Variants in LRBA observed in about 807,000 individuals in gnomAD.
LRBA encodes the protein LPS responsive beige-like anchor protein, also known as lipopolysaccharide-responsive and beige-like anchor protein.
In LRBA, 176 loss-of-function variants were observed where a neutral mutation model predicts 330.0. The ratio of observed to expected loss-of-function variants is 0.53; its 90% CI spans 0.47 to 0.60. LRBA has a LOEUF of 0.60. Ranked by LOEUF, LRBA falls within the 20% of genes least tolerant of loss-of-function variation. The pLI is 0.00. For synonymous variants in LRBA, 1,230 were observed against 1,193.0 expected (o/e 1.03, Z -0.64); for missense variants, 3,259 against 3,444.8 (o/e 0.95, Z 1.35).
chr4:150,576,377 A>G (rs994576771), intron 40 of LRBA, among the ~76,000 whole-genome samples: 2 of 151,990 alleles, frequency 1.3e-5, no homozygotes, highest in Non-Finnish European at 2.9e-5. Flanking sequence ...ATATGCCAAT[A>G]TAAGTGTGAA....
At position 150,321,269 on chromosome 4, in the gene LRBA, G is replaced by A. The variant is rs1286528262; in HGVS notation, c.7552C>T (p.Pro2518Ser). ...ATCACAGCGGGAGTTGCCAAACCAG[G>A]CTGGGTGTTGGCTGCCACGTGAGTA... ...PVTHVAANTQ[P>S]GLATPAVITV... The change falls in exon 50 of 57, where the codon CCT (proline) becomes TCT (serine). Residue 2518 changes from proline to serine, a missense_variant. Transcript: ENST00000651943. This position sits in a 1 kb window ranked among gnomAD's most constrained non-coding sequence, Gnocchi z 4.5. 8.7e-6 allele frequency: 14 copies of A among 1,612,548 alleles called. No homozygotes were observed. In the African/African-American group the frequency reaches 1.5e-4, roughly 17 times the overall value.
intron 37 of LRBA, among the ~76,000 whole-genome samples, chr4:150,649,976 A>C (rs1268424138): frequency 6.6e-6 from 1 of 152,168 alleles, no homozygotes; most frequent in Non-Finnish European, 1.5e-5. Context: ...GGTTGCGTTC[A>C]AATCTAATAT....
intron 47 of LRBA, among the ~76,000 whole-genome samples, chr4:150,374,933 G>A (rs746052086): frequency 2.6e-5 from 4 of 152,184 alleles, no homozygotes. Flanking sequence ...GTCCTAGCAG[G>A]AAACAGAAGA....
intron 44 of LRBA, among the ~76,000 whole-genome samples, chr4:150,443,874 T>TATATATA (rs1561185911): frequency 1.1e-4 from 3 of 28,046 alleles, no homozygotes; most frequent in Non-Finnish European, 2.4e-4. Context: ...ATATATATAT[T>TATATATA]TTTTTTTTTT....
chr4:150,479,341 A>T (rs1317604236), intron 42 of LRBA, among the ~76,000 whole-genome samples: 1 of 152,190 alleles, frequency 6.6e-6, no homozygotes, highest in African/African-American at 2.4e-5. Flanking sequence ...CCAGGTATGA[A>T]AACATATACT....
chr4:150,815,353 GAAAA>G (rs751501832), intron 31 of LRBA, among the ~76,000 whole-genome samples: 8 of 127,134 alleles, frequency 6.3e-5, no homozygotes, highest in Non-Finnish European at 1.2e-4. Flanking sequence ...TTCTCCAAAG[GAAAA>G]AAAAAAAAGA....
At chr4:151,008,798 C>T (rs1400020698) in intron 2 of LRBA, among the ~76,000 whole-genome samples, 4 of 150,190 alleles carry the variant, frequency 2.7e-5, no homozygotes, top group African/African-American at 4.9e-5. Context: ...CGTGGTGAAA[C>T]GCCATCTCTA....
intron 48 of LRBA, among the ~76,000 whole-genome samples, chr4:150,343,531 C>G (rs972938918): frequency 6.6e-6 from 1 of 152,102 alleles, no homozygotes; most frequent in Admixed American, 6.6e-5. Flanking sequence ...GATAAACTTT[C>G]CCAGTTTATC....
At chr4:150,861,230 G>A (rs1272391873) in intron 22 of LRBA, among the ~76,000 whole-genome samples, 2 of 151,570 alleles carry the variant, frequency 1.3e-5, no homozygotes, top group South Asian at 4.2e-4. Flanking sequence ...AGCCTCCTGA[G>A]TAGCTAGAAA....
At position 150,921,204 on chromosome 4, in the gene LRBA, A is replaced by C; in HGVS notation, c.639T>G (p.Ser213Arg). ...CTCATTAATATTTACTTACTGCAGC[A>C]CTCTTTCCTGGAAAGTTAAAAAAGG... ...PDAFFNFPGKSAAAIALPPIA... is the reference protein window; with the variant it reads ...PDAFFNFPGKRAAAIALPPIA... Residue 213 changes from serine to arginine, a missense_variant, in exon 5 of 57, where the codon AGT (serine) becomes AGG (arginine). Ser to Arg is a moderately radical substitution (Grantham distance 110). Coordinates refer to ENST00000651943, the MANE Select transcript of LRBA (RefSeq NM_001364905.1). 1 of 1,602,322 alleles carries C rather than the reference A, an allele frequency of 6.2e-7. No individual in the cohort carries two copies.
intron 2 of LRBA, among the ~76,000 whole-genome samples, chr4:150,998,538 A>C (rs1216354155): frequency 6.6e-6 from 1 of 151,754 alleles, no homozygotes; most frequent in East Asian, 1.9e-4. Context: ...GTTTTTTTGT[A>C]GATATAGGAT....
chr4:150,354,488 TC>T (rs1206463835), intron 47 of LRBA, among the ~76,000 whole-genome samples: 2 of 151,448 alleles, frequency 1.3e-5, no homozygotes, highest in African/African-American at 2.4e-5. Flanking sequence ...ATCACTTACA[TC>T]CAATGTGTGC....
At chr4:150,720,645 A>G (rs1018962611) in intron 36 of LRBA, among the ~76,000 whole-genome samples, 2 of 152,198 alleles carry the variant, frequency 1.3e-5, no homozygotes, top group African/African-American at 4.8e-5. Context: ...CTAAGCAAGA[A>G]AAAACAAAAT....
intron 47 of LRBA, among the ~76,000 whole-genome samples, chr4:150,379,265 C>G (rs915063241): frequency 1.5e-5 from 2 of 137,622 alleles, no homozygotes; most frequent in Admixed American, 1.6e-4. Flanking sequence ...ATCACGCCAT[C>G]GCACTCCAGC....
chr4:150,522,164 G>A (rs1312454997), intron 40 of LRBA, among the ~76,000 whole-genome samples: 1 of 152,078 alleles, frequency 6.6e-6, no homozygotes, highest in African/African-American at 2.4e-5. Flanking sequence ...CAAGGATGGT[G>A]TCATCTATAA....
At chr4:150,832,064 T>C in intron 28 of LRBA, 88 bp from the exon 29 acceptor site, 1 of 734,972 alleles carries the variant, frequency 1.4e-6, no homozygotes, top group Non-Finnish European at 2.0e-6. Flanking sequence ...ACAAAACATG[T>C]TCACAAATCT....
At chr4:150,422,041 T>C (rs982477213) in intron 46 of LRBA, among the ~76,000 whole-genome samples, 5 of 152,120 alleles carry the variant, frequency 3.3e-5, no homozygotes, top group African/African-American at 1.2e-4. Context: ...GAGGACTGAT[T>C]GAGTGCAGGA....
chr4:150,989,272 C>G (rs1368165328), intron 2 of LRBA, among the ~76,000 whole-genome samples: 4 of 152,154 alleles, frequency 2.6e-5, no homozygotes, highest in African/African-American at 4.8e-5. Context: ...TCCCAAAGAG[C>G]TGAAATTACA....
intron 37 of LRBA, among the ~76,000 whole-genome samples, chr4:150,643,316 A>G (rs1778851167): frequency 6.6e-6 from 1 of 151,938 alleles, no homozygotes; most frequent in Admixed American, 6.6e-5. Flanking sequence ...ATCAAAGAAA[A>G]AATTAATTTA....
Sources: gnomAD v4.1 joint callset for allele counts (sites outside exome capture counted in the v4.1 genomes callset) on GRCh38, gnomAD v4.1.1 for gene constraint, Gnocchi (gnomAD v3.1) non-coding constraint, MANE v1.5 for transcripts, NCBI Gene and HGNC (gene_info 2026-07-23, HGNC 2026-07-21) for gene names.